Variants in GLI1 observed in about 807,000 individuals in gnomAD.
GLI1 encodes transcription activator GLI1.
Under a neutral mutation model 87.8 loss-of-function variants are expected in GLI1, and 51 were observed. That is an observed-to-expected ratio of 0.58 (90% CI 0.46 to 0.73). The LOEUF (loss-of-function observed/expected upper bound fraction) is 0.73, where lower values mean the gene tolerates loss of function less well. Ranked by LOEUF, GLI1 falls within the 30% of genes least tolerant of loss-of-function variation. The pLI, the probability that GLI1 is intolerant of heterozygous loss-of-function variation, is 0.00. For synonymous variants in GLI1, 528 were observed against 558.2 expected (o/e 0.95, Z 0.76); for missense variants, 1,292 against 1,437.2 (o/e 0.90, Z 1.63).
intron 2 of GLI1, 43 bp downstream of exon 2, chr12:57,463,834 A>C: frequency 1.6e-6 from 2 of 1,280,232 alleles, no homozygotes; most frequent in South Asian, 1.2e-5. Flanking sequence ...GATTTGGCAG[A>C]TCTCCCACTT....
chr12:57,464,232 G>T lies in GLI1; in HGVS notation c.193+141G>T, dbSNP rs74096022. 0.02 allele frequency: 13,596 copies of T among 683,418 alleles called. 1,292 individuals are homozygous for T. The African/African-American group carries it at 0.21, about 11-fold the overall frequency. 42.3% of individuals were successfully genotyped at this position (683,418 alleles called of 1,614,324 possible). The stretch of plus-strand genomic sequence containing the variant: ...GTCAGAGCACCATCAAGAAGTCACA[G>T]ATGGGGCCGGGCGCGGTGGCTCACG... On this transcript the variant is annotated intron_variant, in intron 3 of 11. Coordinates refer to ENST00000228682, the MANE Select transcript of GLI1 (RefSeq NM_005269.3).
At chr12:57,467,041 G>T (rs1871535726) in intron 8 of GLI1, among the ~76,000 whole-genome samples, 1 of 152,146 alleles carries the variant, frequency 6.6e-6, no homozygotes, top group African/African-American at 2.4e-5. Flanking sequence ...GTTCCCCCAA[G>T]ATGACCCCAT....
intron 1 of GLI1, among the ~76,000 whole-genome samples, chr12:57,463,122 C>T (rs1761564821): frequency 6.6e-6 from 1 of 152,204 alleles, no homozygotes; most frequent in African/African-American, 2.4e-5. Context: ...AGCTCCCACC[C>T]AGTTCCCAAG....
At position 57,470,700 on chromosome 12, in the gene GLI1, G is replaced by A; in HGVS notation, c.1960G>A (p.Val654Ile). The A allele has an allele frequency of 6.2e-7, 1 of 1,612,548 alleles. No homozygotes were observed. The highest frequency in any genetic ancestry group is 8.5e-7 in the Non-Finnish European group (1 of 1,179,268). Residue 654 changes from valine (V) to isoleucine (I), a missense_variant, in exon 12 of 12, where the codon GTC becomes ATC. Physicochemically the swap from Val to Ile is conservative, Grantham distance 29 (BLOSUM62 3). Transcript: ENST00000228682. ...QAADRPAPAR[V>I]QRFKSLGCVH... The stretch of plus-strand genomic sequence containing the variant: ...TGCTGACCGTCCTGCTCCAGCTAGA[G>A]TCCAGAGGTTCAAGAGCCTGGGCTG...
In GLI1 at chr12:57,471,979, C is replaced by T. The variant is rs1872019813; in HGVS notation, c.3239C>T (p.Pro1080Leu). The change falls in exon 12 of 12, where the codon CCC (proline) becomes CTC (leucine). Residue 1080 changes from proline (P) to leucine (L), a missense_variant. Pro to Leu is a moderately conservative substitution (Grantham distance 98). Around this residue, in one of 3 missense-constraint regions of GLI1, gnomAD observed 897 missense variants for 1,040.7 expected, o/e 0.86. Coordinates refer to ENST00000228682, the MANE Select transcript of GLI1 (RefSeq NM_005269.3). This position sits in a 1 kb window ranked among gnomAD's most constrained non-coding sequence, Gnocchi z 4.9. ...SSGHTPPPSGPPNMAVGNMSV... is the reference protein window; with the variant it reads ...SSGHTPPPSGLPNMAVGNMSV... ...GGACATACCCCACCTCCCTCTGGGC[C>T]CCCCAACATGGCTGTGGGCAACATG... The T allele has an allele frequency of 1.3e-6, 2 of 1,589,298 alleles. No homozygotes were observed. The highest frequency in any genetic ancestry group is 2.7e-5 in the African/African-American group (2 of 73,846).
chr12:57,464,041 C>A lies in GLI1; in HGVS notation c.143C>A (p.Ser48Tyr). The change falls in exon 3 of 12, where the codon TCC (serine) becomes TAC (tyrosine). Residue 48 changes from serine (S) to tyrosine (Y), a missense_variant. Physicochemically the swap from Ser to Tyr is moderately radical, Grantham distance 144 (BLOSUM62 -2). Around this residue, in one of 3 missense-constraint regions of GLI1, gnomAD observed 383 missense variants for 368.4 expected, o/e 1.04. Coordinates refer to ENST00000228682, the MANE Select transcript of GLI1 (RefSeq NM_005269.3). ...TTCTGCCACCAAGCTAACCTCATGT[C>A]CGGCCCCCACAGTTATGGGCCAGCC... ...PPFCHQANLM[S>Y]GPHSYGPARE... 6.2e-7 allele frequency: 1 copy of A among 1,614,010 alleles called. No homozygotes were observed. Among genetic ancestry groups the A allele is most frequent in the South Asian group, 1.1e-5 (1 of 91,080 alleles).
chr12:57,464,118 C>T (rs777051213), intron 3 of GLI1, 27 bp downstream of exon 3: 2 of 1,361,500 alleles, frequency 1.5e-6, no homozygotes, highest in East Asian at 2.3e-5. Flanking sequence ...CACCTCTTCC[C>T]TTTCTGCCCC....
At chr12:57,460,902 C>A (rs544640417) in intron 1 of GLI1, among the ~76,000 whole-genome samples, 82 of 152,172 alleles carry the variant, frequency 5.4e-4, no homozygotes, top group Non-Finnish European at 1.0e-3. Context: ...TCTTGACCCT[C>A]TGACCTCAGG....
rs1871742766 is a variant in GLI1, at chr12:57,469,712, GT to G, written c.1576+15del. On this transcript the variant is annotated intron_variant, in intron 11 of 11. Coordinates refer to ENST00000228682, the MANE Select transcript of GLI1 (RefSeq NM_005269.3). The stretch of plus-strand genomic sequence containing the variant: ...TGTCCCACACCGGTGAGACCTGGGT[GT>G]GGGAGGTGTGGCTGGGGTGAGATCT... 3 of 1,610,556 alleles carry G rather than the reference GT, an allele frequency of 1.9e-6. No individual in the cohort carries two copies. Among genetic ancestry groups the G allele is most frequent in the Non-Finnish European group, 2.5e-6 (3 of 1,178,232 alleles).
intron 9 of GLI1, among the ~76,000 whole-genome samples, chr12:57,467,705 T>C (rs1871590162): frequency 6.6e-6 from 1 of 152,150 alleles, no homozygotes; most frequent in Non-Finnish European, 1.5e-5. Context: ...GCCAAAAGGC[T>C]AACCTAAAAG....
rs770107383 is a variant in GLI1, at chr12:57,464,754, G to A, written c.275G>A (p.Ser92Asn). The A allele has an allele frequency of 4.3e-6, 7 of 1,613,830 alleles. No homozygotes were observed. In the Admixed American group the frequency reaches 1.2e-4, roughly 27 times the overall value. The change falls in exon 4 of 12, where the codon AGC becomes AAC. Residue 92 changes from serine to asparagine, a missense_variant. This residue lies in a region of GLI1 where 383 missense variants were observed against 368.4 expected (regional missense o/e 1.04). Transcript: ENST00000228682. ...TCCATCTCACCTCTGTCGGATGCCA[G>A]CCTGGACCTGCAGACGGTTATCCGC... ...ALSISPLSDA[S>N]LDLQTVIRTS...
chr12:57,469,794 C>G, intron 11 of GLI1, 96 bp downstream of exon 11: 1 of 1,065,346 alleles, frequency 9.4e-7, no homozygotes, highest in Non-Finnish European at 1.4e-6. Flanking sequence ...TCACACAGCA[C>G]TTTTGTATAA....
Position 57,470,612 on chromosome 12 carries a change from C to G in GLI1, c.1872C>G (p.Ala624=), listed in dbSNP as rs758285802. The change falls in exon 12 of 12, where the codon GCC becomes GCG. Residue 624 remains alanine (A), a synonymous_variant. Coordinates refer to ENST00000228682, the MANE Select transcript of GLI1 (RefSeq NM_005269.3). ...GLPMPPWRSR[A]EYPGYNPNAG... The stretch of plus-strand genomic sequence containing the variant: ...CCATGCCTCCTTGGAGAAGCCGAGC[C>G]GAGTATCCAGGATACAACCCCAATG... The G allele has an allele frequency of 6.2e-7, 1 of 1,614,046 alleles. No individual in the cohort carries two copies. The highest frequency in any genetic ancestry group is 1.1e-5 in the South Asian group (1 of 91,084).
intron 10 of GLI1, among the ~76,000 whole-genome samples, chr12:57,468,488 T>TCC (rs2139860733): frequency 6.6e-6 from 1 of 152,130 alleles, no homozygotes; most frequent in East Asian, 1.9e-4. Context: ...TCTTTCTCTC[T>TCC]CTCTCTCTTT....
At position 57,469,441 on chromosome 12, in the gene GLI1, C is replaced by G; in HGVS notation, c.1319C>G (p.Pro440Arg). ...TVPEGAMKPQ[P>R]SPGAQSSCSS... ...TCATCTTCTCCACAGAAGCCACAGC[C>G]AAGCCCTGGGGCCCAGTCATCCTGC... is the stretch of plus-strand genomic sequence containing the variant. Residue 440 changes from proline to arginine, a missense_variant, in exon 11 of 12, where the codon CCA (proline) becomes CGA (arginine). By Grantham distance (103) the Pro-to-Arg change is moderately radical. Around this residue, in one of 3 missense-constraint regions of GLI1, gnomAD observed 897 missense variants for 1,040.7 expected, o/e 0.86. Coordinates refer to ENST00000228682, the MANE Select transcript of GLI1 (RefSeq NM_005269.3). 1 of 1,613,784 alleles carries G rather than the reference C, an allele frequency of 6.2e-7. No individual in the cohort carries two copies. Among genetic ancestry groups the G allele is most frequent in the Non-Finnish European group, 8.5e-7 (1 of 1,179,978 alleles).
At chr12:57,463,306 C>A (rs1871262045) in intron 1 of GLI1, among the ~76,000 whole-genome samples, 1 of 152,208 alleles carries the variant, frequency 6.6e-6, no homozygotes, top group Non-Finnish European at 1.5e-5. Context: ...AAACCTCCGC[C>A]TCCCAGGTTC....
Position 57,471,398 on chromosome 12 carries a change from C to G in GLI1, c.2658C>G (p.Pro886=). The change falls in exon 12 of 12, where the codon CCC becomes CCG. Residue 886 remains proline (P), a synonymous_variant. Transcript: ENST00000228682. This position sits in a 1 kb window ranked among gnomAD's most constrained non-coding sequence, Gnocchi z 4.9. ...GGCCTTGCCTGGACTTTGATTCCCCCACCCATTCCACAGGGCAGCTCAAGG... is the reference window on the plus strand; with the variant it reads ...GGCCTTGCCTGGACTTTGATTCCCCGACCCATTCCACAGGGCAGCTCAAGG... ...EPRPCLDFDS[P]THSTGQLKAQ... is the part of the protein sequence containing the mutation. 6.2e-7 allele frequency: 1 copy of G among 1,613,258 alleles called. No individual in the cohort carries two copies. The highest frequency in any genetic ancestry group is 8.5e-7 in the Non-Finnish European group (1 of 1,179,490).
Position 57,469,631 on chromosome 12 carries a change from G to C in GLI1, c.1509G>C (p.Leu503=). The change falls in exon 11 of 12, where the codon CTG becomes CTC. Residue 503 remains leucine, a synonymous_variant. Coordinates refer to ENST00000228682, the MANE Select transcript of GLI1 (RefSeq NM_005269.3). ...STLRRLENLR[L]DQLHQLRPIG... ...TTCGCCGCCTTGAGAACCTCAGGCT[G>C]GACCAGCTACATCAACTCCGGCCAA... 6.2e-7 allele frequency: 1 copy of C among 1,614,090 alleles called. No homozygotes were observed.
Position 57,465,642 on chromosome 12 carries a change from C to T in GLI1, c.570C>T (p.Cys190=), listed in dbSNP as rs753165199. 1.1e-5 allele frequency: 18 copies of T among 1,614,020 alleles called. No individual in the cohort carries two copies. Among genetic ancestry groups the T allele is most frequent in the Non-Finnish European group, 1.4e-5 (17 of 1,179,968 alleles). The change falls in exon 6 of 12, where the codon TGC becomes TGT. Residue 190 remains cysteine, a synonymous_variant. Coordinates refer to ENST00000228682, the MANE Select transcript of GLI1 (RefSeq NM_005269.3). ...AGCTGGACATGCTGGTTGGCAAGTGCCGGGAGGAACCCTTGGAAGGTGATA... is the reference window on the plus strand; with the variant it reads ...AGCTGGACATGCTGGTTGGCAAGTGTCGGGAGGAACCCTTGGAAGGTGATA... The part of the protein sequence containing the change: ...KSELDMLVGK[C]REEPLEGDMS...
Sources: gnomAD v4.1 joint callset for allele counts (sites outside exome capture counted in the v4.1 genomes callset) on GRCh38, gnomAD v4.1.1 for gene constraint, gnomAD v4.1.1 regional missense constraint, Gnocchi (gnomAD v3.1) non-coding constraint, MANE v1.5 for transcripts, NCBI Gene and HGNC (gene_info 2026-07-23, HGNC 2026-07-21) for gene names.